The following SVIL variants were observed in gnomAD, a reference collection of about 807,000 sequenced individuals.
The protein encoded by SVIL is archvillin.
In SVIL, 101 loss-of-function variants were observed where a neutral mutation model predicts 240.4. That is an observed-to-expected ratio of 0.42 (90% CI 0.36 to 0.50). SVIL has a LOEUF of 0.50. Ranked by LOEUF, SVIL falls within the 20% of genes least tolerant of loss-of-function variation. SVIL has a pLI of 0.01. For synonymous variants in SVIL, 999 were observed against 1,100.0 expected, an observed-to-expected ratio of 0.91 and a Z score of 1.82; for missense variants, 2,512 against 2,818.7, an observed-to-expected ratio of 0.89 and a Z score of 2.46.
At chr10:29,491,166 C>A (rs1204874004) in intron 21 of SVIL, 147 bp from the exon 22 acceptor site, 1 of 921,778 alleles carries the variant, frequency 1.1e-6, no homozygotes, top group African/African-American at 2.3e-5. Flanking sequence ...GACATGGAGT[C>A]GTAGAATCTT....
At chr10:29,531,115 C>T (rs1951330864) in intron 10 of SVIL, 139 bp downstream of exon 10, 2 of 777,284 alleles carry the variant, frequency 2.6e-6, no homozygotes, top group Non-Finnish European at 4.1e-6. Flanking sequence ...TTTATCATAT[C>T]CACAGAACGA....
At chr10:29,596,022 C>A (rs1197926908) in intron 1 of SVIL, among the ~76,000 whole-genome samples, 1 of 152,192 alleles carries the variant, frequency 6.6e-6, no homozygotes, top group African/African-American at 2.4e-5. Flanking sequence ...TACAGTCATG[C>A]ATGATGAGGC....
chr10:29,701,334 A>G (rs1962499578), intron 1 of SVIL, among the ~76,000 whole-genome samples: 4 of 123,754 alleles, frequency 3.2e-5, no homozygotes. Context: ...CCAAGAGAGA[A>G]TAAGGCCAAT....
At chr10:29,620,463 G>A (rs972296694) in intron 1 of SVIL, among the ~76,000 whole-genome samples, 7 of 152,244 alleles carry the variant, frequency 4.6e-5, no homozygotes, top group African/African-American at 1.7e-4. Context: ...AGGGCAGGTG[G>A]CAACTCGGAT....
At chr10:29,627,316 G>A (rs182653837) in intron 1 of SVIL, among the ~76,000 whole-genome samples, 207 of 152,174 alleles carry the variant, frequency 1.4e-3, no homozygotes, top group African/African-American at 4.8e-3. Flanking sequence ...ATCCCAATAC[G>A]TAAAAGGGGT....
chr10:29,489,832 G>T (rs568521835), intron 22 of SVIL, among the ~76,000 whole-genome samples: 1 of 152,250 alleles, frequency 6.6e-6, no homozygotes, highest in East Asian at 1.9e-4. Context: ...ACAGGCATGA[G>T]CCACCATGCC....
intron 2 of SVIL, among the ~76,000 whole-genome samples, chr10:29,665,933 A>G (rs898744218): frequency 2.0e-5 from 3 of 152,250 alleles, no homozygotes; most frequent in African/African-American, 7.2e-5. Context: ...GGGGGAAAAA[A>G]GGGGATGGGT....
Position 29,474,089 on chromosome 10 carries a change from C to T in SVIL, c.5378-100G>A, listed in dbSNP as rs902538451. On this transcript the variant is annotated intron_variant, in intron 29 of 37. Coordinates refer to ENST00000355867, the MANE Select transcript of SVIL (RefSeq NM_021738.3). ...TCCCCGGGCCTGCAAGGACCAGTGGCAAAGAGCCTCGGACCTAGGGCAGGG... is the reference window on the plus strand; with the variant it reads ...TCCCCGGGCCTGCAAGGACCAGTGGTAAAGAGCCTCGGACCTAGGGCAGGG... 1.0e-5 allele frequency: 15 copies of T among 1,481,698 alleles called. No homozygotes were observed. In the Admixed American group the frequency reaches 3.0e-4, roughly 30 times the overall value. 91.8% of individuals were successfully genotyped at this position (1,481,698 alleles called of 1,614,324 possible). A position where few individuals can be genotyped will look rare whatever the true frequency, so the allele number is the denominator to read the frequency against.
chr10:29,699,322 T>A (rs1193018610), intron 1 of SVIL, among the ~76,000 whole-genome samples: 1 of 150,488 alleles, frequency 6.6e-6, no homozygotes, highest in Non-Finnish European at 1.5e-5. Flanking sequence ...TTTGTTTTTT[T>A]GAGATGGAGT....
intron 36 of SVIL, among the ~76,000 whole-genome samples, chr10:29,459,920 G>T (rs965992433): frequency 6.6e-6 from 1 of 152,152 alleles, no homozygotes; most frequent in African/African-American, 2.4e-5. Flanking sequence ...ATGAGACCCT[G>T]TCTCTATAAA....
chr10:29,613,676 C>A (rs1157431098), intron 1 of SVIL, among the ~76,000 whole-genome samples: 1 of 152,054 alleles, frequency 6.6e-6, no homozygotes, highest in Non-Finnish European at 1.5e-5. Context: ...AAAACAATAA[C>A]CTTGATGAAT....
intron 30 of SVIL, among the ~76,000 whole-genome samples, chr10:29,471,568 G>A (rs1213697077): frequency 6.6e-6 from 1 of 152,182 alleles, no homozygotes; most frequent in Non-Finnish European, 1.5e-5. Flanking sequence ...ATGGTATTCT[G>A]TGGTTATTGA....
intron 34 of SVIL, 78 bp downstream of exon 34, chr10:29,465,517 A>G (rs1190481688): frequency 5.9e-6 from 9 of 1,514,528 alleles, no homozygotes; most frequent in Non-Finnish European, 7.9e-6. Flanking sequence ...TGCTTAATAA[A>G]TACCAACGTA....
intron 2 of SVIL, among the ~76,000 whole-genome samples, chr10:29,568,784 T>C (rs912372905): frequency 2.4e-5 from 3 of 125,352 alleles, no homozygotes; most frequent in Admixed American, 8.2e-5. Context: ...GATGGGTGGA[T>C]GGGTGGATGG....
At chr10:29,712,453 C>T (rs1250966455) in intron 1 of SVIL, among the ~76,000 whole-genome samples, 1 of 152,226 alleles carries the variant, frequency 6.6e-6, no homozygotes, top group Non-Finnish European at 1.5e-5. Context: ...CTTGCCTTCT[C>T]TCTCGCTATC....
chr10:29,488,832 A>G, intron 22 of SVIL, 76 bp from the exon 23 acceptor site: 2 of 1,473,518 alleles, frequency 1.4e-6, no homozygotes, highest in South Asian at 1.3e-5. Context: ...GAAATTATTC[A>G]TAACTGACTC....
chr10:29,574,298 G>A (rs1477441682), intron 1 of SVIL, among the ~76,000 whole-genome samples: 1 of 152,192 alleles, frequency 6.6e-6, no homozygotes, highest in Non-Finnish European at 1.5e-5. Context: ...CCTGGGAGAG[G>A]CTGAGGGAGG....
intron 2 of SVIL, among the ~76,000 whole-genome samples, chr10:29,566,551 A>T (rs1297829345): frequency 6.6e-6 from 1 of 152,204 alleles, no homozygotes; most frequent in Non-Finnish European, 1.5e-5. Context: ...CTTTAAAAAA[A>T]ATCATGTTTC....
chr10:29,504,136 A>G (rs368665320), intron 17 of SVIL, among the ~76,000 whole-genome samples: 2 of 152,162 alleles, frequency 1.3e-5, no homozygotes, highest in African/African-American at 4.8e-5. Context: ...ATAAGTGGAC[A>G]CTCATATGTA....
Sources: gnomAD v4.1 joint callset for allele counts (sites outside exome capture counted in the v4.1 genomes callset) on GRCh38, gnomAD v4.1.1 for gene constraint, MANE v1.5 for transcripts, NCBI Gene and HGNC (gene_info 2026-07-23, HGNC 2026-07-21) for gene names.